CPEB2: variants seen among roughly 807,000 people sequenced by gnomAD.
CPEB2 encodes cytoplasmic polyadenylation element-binding protein 2.
CPEB2 carries 56 observed loss-of-function variants against 93.6 expected under a neutral mutation model. The ratio of observed to expected loss-of-function variants is 0.60; its 90% CI spans 0.48 to 0.75. The LOEUF (loss-of-function observed/expected upper bound fraction) is 0.75. Among genes scored for constraint, CPEB2 ranks in the 30% least tolerant of loss-of-function variants. The pLI is 0.00. For missense variants in CPEB2, 1,579 were observed against 1,395.1 expected, an observed-to-expected ratio of 1.13 and a Z score of -2.10; for synonymous variants, 764 against 586.3, an observed-to-expected ratio of 1.30 and a Z score of -4.38.
At chr4:15,023,287 T>C (rs1725001499) in intron 4 of CPEB2, among the ~76,000 whole-genome samples, 3 of 152,044 alleles carry the variant, frequency 2.0e-5, no homozygotes, top group South Asian at 4.1e-4. Context: ...ATTAGGCTTA[T>C]GCATTTTAAC....
chr4:15,035,186 A>G (rs1384068925), intron 5 of CPEB2, among the ~76,000 whole-genome samples: 1 of 151,274 alleles, frequency 6.6e-6, no homozygotes, highest in Admixed American at 6.6e-5. Flanking sequence ...GTGTTTAGTA[A>G]TAAATTTTGC....
In CPEB2 at chr4:15,002,769, C is replaced by G; in HGVS notation, c.96C>G (p.Ala32=). The G allele has an allele frequency of 6.5e-7, 1 of 1,535,522 alleles. No homozygotes were observed. Among genetic ancestry groups the G allele is most frequent in the Non-Finnish European group, 8.7e-7 (1 of 1,146,678 alleles). Reference sequence around the variant, plus strand: ...GCGGCGAGGCGTATGGTCCTTACGCCGTGGGGTCCGTCAACCCGCTGCCCT... The same window carrying G: ...GCGGCGAGGCGTATGGTCCTTACGCGGTGGGGTCCGTCAACCCGCTGCCCT... ...LFCGEAYGPY[A]VGSVNPLPSA... is the part of the protein sequence containing the mutation. Residue 32 remains alanine (A), a synonymous_variant, in exon 1 of 12, where the codon GCC becomes GCG. Coordinates refer to ENST00000538197, the MANE Select transcript of CPEB2 (RefSeq NM_001177382.2).
At chr4:15,062,484 A>G (rs896482856) in intron 11 of CPEB2, among the ~76,000 whole-genome samples, 1 of 152,086 alleles carries the variant, frequency 6.6e-6, no homozygotes, top group African/African-American at 2.4e-5. Flanking sequence ...AGCCATGTCA[A>G]AATTTTTTAA....
At chr4:15,056,638 G>T (rs1728736887) in intron 8 of CPEB2, among the ~76,000 whole-genome samples, 1 of 152,122 alleles carries the variant, frequency 6.6e-6, no homozygotes, top group Non-Finnish European at 1.5e-5. Flanking sequence ...CTGTAATTCA[G>T]CATTTTCCAT....
At position 15,003,891 on chromosome 4, in the gene CPEB2, G is replaced by A. The variant is rs1283257386; in HGVS notation, c.1218G>A (p.Pro406=). The A allele has an allele frequency of 5.6e-6, 5 of 899,638 alleles. No homozygotes were observed. In the South Asian group the frequency reaches 1.2e-4, roughly 22 times the overall value. 55.7% of individuals were successfully genotyped at this position (899,638 alleles called of 1,614,324 possible). ...QPPPTQPQQQ[P]PPPQQPPQPQ... is the part of the protein sequence containing the mutation. ...CGCCGACCCAGCCGCAGCAGCAGCCGCCGCCACCCCAGCAGCCGCCCCAGC... is the reference window on the plus strand; with the variant it reads ...CGCCGACCCAGCCGCAGCAGCAGCCACCGCCACCCCAGCAGCCGCCCCAGC... The change falls in exon 1 of 12, where the codon CCG becomes CCA. Residue 406 remains proline (P), a synonymous_variant. Transcript: ENST00000538197.
chr4:15,006,219 G>A (rs1054731216), intron 1 of CPEB2, among the ~76,000 whole-genome samples: 7 of 152,140 alleles, frequency 4.6e-5, no homozygotes, highest in African/African-American at 2.4e-5. Context: ...GATTATGTTA[G>A]CATTTAAAAG....
At chr4:15,050,457 G>GA (rs1412952602) in intron 6 of CPEB2, among the ~76,000 whole-genome samples, 3 of 152,066 alleles carry the variant, frequency 2.0e-5, no homozygotes, top group Non-Finnish European at 4.4e-5. Context: ...AGTTAATACT[G>GA]AAAGAAAAAC....
chr4:15,064,660 T>C (rs1233194437), intron 11 of CPEB2, among the ~76,000 whole-genome samples: 1 of 152,092 alleles, frequency 6.6e-6, no homozygotes, highest in Non-Finnish European at 1.5e-5. Flanking sequence ...TTTATAGCAT[T>C]TCTACTTCGT....
At chr4:15,025,385 C>T (rs1725339074) in intron 4 of CPEB2, among the ~76,000 whole-genome samples, 1 of 151,644 alleles carries the variant, frequency 6.6e-6, no homozygotes, top group Non-Finnish European at 1.5e-5. Flanking sequence ...TTTGTGTTCT[C>T]TTTTTTTCTC....
At chr4:15,025,565 T>A (rs1725356516) in intron 4 of CPEB2, among the ~76,000 whole-genome samples, 1 of 151,922 alleles carries the variant, frequency 6.6e-6, no homozygotes, top group Non-Finnish European at 1.5e-5. Flanking sequence ...TCTTTTGTTC[T>A]GGCAAATGAA....
rs116665244 is a variant in CPEB2, at chr4:15,055,706, A to C, written c.2461+1489A>C. Among the ~76,000 whole-genome samples the C allele has an allele frequency of 5.8e-3, 881 of 152,276 alleles. 7 individuals carry two copies. Among genetic ancestry groups the C allele is most frequent in the African/African-American group, 0.02 (836 of 41,564 alleles). The stretch of plus-strand genomic sequence containing the variant: ...TGGTTTCTCTTATTTTTAGGATAAA[A>C]GCAAAAATGCATTCCTTCTGCCTGG... On this transcript the variant is annotated intron_variant, in intron 8 of 11. Coordinates refer to ENST00000538197, the MANE Select transcript of CPEB2 (RefSeq NM_001177382.2).
chr4:15,048,394 T>G (rs73226794), intron 6 of CPEB2, among the ~76,000 whole-genome samples: 14,196 of 152,016 alleles, frequency 0.093, 812 homozygotes, highest in East Asian at 0.18. Context: ...GACTTTCATT[T>G]TTTTTTAGCA....
chr4:15,008,840 A>G (rs1723131281), intron 3 of CPEB2, among the ~76,000 whole-genome samples: 1 of 152,104 alleles, frequency 6.6e-6, no homozygotes, highest in Non-Finnish European at 1.5e-5. Flanking sequence ...TGAAGTCTGT[A>G]TTTGTTTTGA....
chr4:15,041,615 C>G (rs1008766194), intron 6 of CPEB2, among the ~76,000 whole-genome samples: 5 of 152,008 alleles, frequency 3.3e-5, no homozygotes, highest in African/African-American at 9.7e-5. Context: ...GTTGGCCCGT[C>G]TGGTCTTGAA....
intron 4 of CPEB2, among the ~76,000 whole-genome samples, chr4:15,022,910 G>A (rs1724967331): frequency 6.6e-6 from 1 of 151,972 alleles, no homozygotes; most frequent in Non-Finnish European, 1.5e-5. Context: ...ATGACATCAT[G>A]GATGGAGATA....
intron 4 of CPEB2, among the ~76,000 whole-genome samples, chr4:15,029,160 G>A (rs1279913352): frequency 6.6e-6 from 1 of 152,024 alleles, no homozygotes; most frequent in Non-Finnish European, 1.5e-5. Context: ...TCACATTTGT[G>A]CGGATTCAAT....
intron 11 of CPEB2, among the ~76,000 whole-genome samples, chr4:15,065,070 A>G (rs924347153): frequency 2.4e-4 from 37 of 152,090 alleles, no homozygotes; most frequent in African/African-American, 8.7e-4. Context: ...ATAAACAACA[A>G]TGTAATTCCA....
chr4:15,013,420 T>A (rs985498407), intron 3 of CPEB2, among the ~76,000 whole-genome samples: 1 of 152,036 alleles, frequency 6.6e-6, no homozygotes, highest in African/African-American at 2.4e-5. Context: ...AAATGTAAAT[T>A]ACATTGCTAT....
At position 15,003,879 on chromosome 4, in the gene CPEB2, G is replaced by C. The variant is rs1577348381; in HGVS notation, c.1206G>C (p.Pro402=). The C allele has an allele frequency of 7.0e-6, 6 of 860,094 alleles. No individual in the cohort carries two copies. Among genetic ancestry groups the C allele is most frequent in the Non-Finnish European group, 9.2e-6 (6 of 651,938 alleles). 53.3% of individuals were successfully genotyped at this position (860,094 alleles called of 1,614,324 possible). A position where few individuals can be genotyped will look rare whatever the true frequency, so the allele number is the denominator to read the frequency against. ...CCCAGCAGCCGCCGCCGACCCAGCC[G>C]CAGCAGCAGCCGCCGCCACCCCAGC... ...PQPQQPPPTQ[P]QQQPPPPQQP... Residue 402 remains proline (P), a synonymous_variant, in exon 1 of 12, where the codon CCG becomes CCC. Transcript: ENST00000538197.
Sources: allele counts gnomAD v4.1 joint callset (sites outside exome capture counted in the v4.1 genomes callset), GRCh38; gene constraint gnomAD v4.1.1; transcripts MANE v1.5; gene names NCBI Gene and HGNC (gene_info 2026-07-23, HGNC 2026-07-21).